The following LRRTM4 variants were observed in gnomAD, a reference collection of about 807,000 sequenced individuals.
The protein encoded by LRRTM4 is leucine rich repeat transmembrane neuronal 4.
LRRTM4 carries 25 observed loss-of-function variants against 47.6 expected under a neutral mutation model. The ratio of observed to expected loss-of-function variants is 0.53; its 90% CI spans 0.38 to 0.73. The LOEUF (loss-of-function observed/expected upper bound fraction) is 0.73, where lower values mean the gene tolerates loss of function less well. Among genes scored for constraint, LRRTM4 ranks in the 30% least tolerant of loss-of-function variants. LRRTM4 has a pLI of 0.00. For synonymous variants in LRRTM4, 311 were observed against 269.5 expected (o/e 1.15, Z -1.51); for missense variants, 638 against 713.4 (o/e 0.89, Z 1.20).
chr2:76,897,312 T>C (rs987845311), intron 3 of LRRTM4, among the ~76,000 whole-genome samples: 1 of 152,114 alleles, frequency 6.6e-6, no homozygotes, highest in Non-Finnish European at 1.5e-5. Flanking sequence ...CATATACACC[T>C]GTGACATCTC....
intron 3 of LRRTM4, among the ~76,000 whole-genome samples, chr2:76,912,045 C>T (rs1306276537): frequency 1.3e-5 from 2 of 151,714 alleles, no homozygotes; most frequent in African/African-American, 2.4e-5. Context: ...TCTCCTGCCC[C>T]GAGTAGCTGC....
chr2:76,840,581 G>A lies in LRRTM4; in HGVS notation c.1552-91665C>T, dbSNP rs1275263031. Among the ~76,000 whole-genome samples, 5 of 152,000 alleles carry A rather than the reference G, an allele frequency of 3.3e-5. No homozygotes were observed. In the South Asian group the frequency reaches 8.3e-4, roughly 25 times the overall value. On this transcript the variant is annotated intron_variant, in intron 3 of 3. Coordinates refer to ENST00000409884, the MANE Select transcript of LRRTM4 (RefSeq NM_001134745.3). ...AGATAGAATCATTAAAGGAACAAAC[G>A]AAGTCAAAAAGACTTAAAAAAAGAA...
At chr2:77,127,855 T>C (rs1426473274) in intron 3 of LRRTM4, among the ~76,000 whole-genome samples, 9 of 152,158 alleles carry the variant, frequency 5.9e-5, no homozygotes, top group Admixed American at 3.9e-4. Context: ...ACAAATGTTT[T>C]TTAAGCCGGC....
chr2:77,149,484 T>C (rs867084653), intron 3 of LRRTM4, among the ~76,000 whole-genome samples: 12 of 152,298 alleles, frequency 7.9e-5, no homozygotes, highest in Middle Eastern at 3.4e-3. Flanking sequence ...CGAGGTTCTC[T>C]TTATGTTAAG....
intron 3 of LRRTM4, among the ~76,000 whole-genome samples, chr2:76,910,226 C>G (rs968297397): frequency 1.3e-5 from 2 of 151,892 alleles, no homozygotes; most frequent in African/African-American, 4.8e-5. Context: ...AATCATCATT[C>G]TCAGCAAACT....
chr2:77,470,566 AG>A (rs1329835990), intron 3 of LRRTM4, among the ~76,000 whole-genome samples: 1 of 152,170 alleles, frequency 6.6e-6, no homozygotes, highest in Admixed American at 6.5e-5. Flanking sequence ...ATGTTACATC[AG>A]GTGCTATGAG....
chr2:77,168,219 G>T (rs1050174248), intron 3 of LRRTM4, among the ~76,000 whole-genome samples: 1 of 151,866 alleles, frequency 6.6e-6, no homozygotes, highest in Non-Finnish European at 1.5e-5. Flanking sequence ...CTTTTTTCTA[G>T]AACTCAAAGT....
chr2:77,074,717 G>A (rs550087256), intron 3 of LRRTM4, among the ~76,000 whole-genome samples: 1 of 152,208 alleles, frequency 6.6e-6, no homozygotes, highest in East Asian at 1.9e-4. Flanking sequence ...CAAAACATTA[G>A]CATGAAAAAA....
At chr2:77,317,481 C>T (rs571535179) in intron 3 of LRRTM4, among the ~76,000 whole-genome samples, 1 of 152,092 alleles carries the variant, frequency 6.6e-6, no homozygotes, top group African/African-American at 2.4e-5. Context: ...AACCTTTATA[C>T]GTTTGTCATA....
At chr2:77,180,470 A>C (rs926102967) in intron 3 of LRRTM4, among the ~76,000 whole-genome samples, 1 of 152,092 alleles carries the variant, frequency 6.6e-6, no homozygotes, top group Non-Finnish European at 1.5e-5. Flanking sequence ...TATTTTTGTG[A>C]CCTGTATAAG....
intron 3 of LRRTM4, among the ~76,000 whole-genome samples, chr2:77,024,078 G>C (rs558958077): frequency 2.0e-5 from 3 of 152,206 alleles, no homozygotes; most frequent in African/African-American, 7.2e-5. Flanking sequence ...AAAGCAAAAA[G>C]GGAGACCCCT....
At chr2:76,947,019 T>C (rs1373178136) in intron 3 of LRRTM4, among the ~76,000 whole-genome samples, 1 of 151,692 alleles carries the variant, frequency 6.6e-6, no homozygotes, top group Admixed American at 6.6e-5. Context: ...ATAGAACCAA[T>C]AAATAAAGAT....
At chr2:76,956,622 AAT>A (rs1310160428) in intron 3 of LRRTM4, among the ~76,000 whole-genome samples, 1 of 151,248 alleles carries the variant, frequency 6.6e-6, no homozygotes, top group African/African-American at 2.4e-5. Flanking sequence ...GATAAGAAAA[AAT>A]AGAGAATAGA....
chr2:77,483,118 C>CAAAAAAAAAAA lies in LRRTM4; in HGVS notation c.1551+35189_1551+35199dup, dbSNP rs776265725. On this transcript the variant is annotated intron_variant, in intron 3 of 3. Transcript: ENST00000409884. Reference sequence around the variant, plus strand: ...CCTAGGAGGCAGAGCAAGACTGTCTCAAAAAAAAAAAAAAAAAAAAAAAAA... The same window carrying CAAAAAAAAAAA: ...CCTAGGAGGCAGAGCAAGACTGTCTCAAAAAAAAAAAAAAAAAAAAAAAAAAAAAAAAAAAA... 5.6e-4 allele frequency among the ~76,000 whole-genome samples: 34 copies of CAAAAAAAAAAA among 60,594 alleles called. 2 individuals carry two copies. The East Asian group carries it at 0.01, about 18-fold the overall frequency. 39.8% of individuals were successfully genotyped at this position (60,594 alleles called of 152,430 possible). A position where few individuals can be genotyped will look rare whatever the true frequency, so the allele number is the denominator to read the frequency against.
intron 3 of LRRTM4, among the ~76,000 whole-genome samples, chr2:76,805,003 C>T (rs1029235051): frequency 4.6e-5 from 7 of 151,930 alleles, no homozygotes; most frequent in Non-Finnish European, 1.0e-4. Flanking sequence ...TGTCATAAAG[C>T]GGGAGATTGA....
intron 3 of LRRTM4, among the ~76,000 whole-genome samples, chr2:77,290,612 C>G (rs1676796877): frequency 2.6e-5 from 4 of 151,852 alleles, no homozygotes; most frequent in Non-Finnish European, 5.9e-5. Flanking sequence ...TCCCAATTAC[C>G]TTAATTTGAG....
At chr2:77,338,758 C>G (rs1235929696) in intron 3 of LRRTM4, among the ~76,000 whole-genome samples, 1 of 151,922 alleles carries the variant, frequency 6.6e-6, no homozygotes, top group African/African-American at 2.4e-5. Context: ...AGTATATACC[C>G]AAATGAAAAT....
intron 3 of LRRTM4, among the ~76,000 whole-genome samples, chr2:76,943,684 T>C (rs1315574734): frequency 1.3e-5 from 2 of 152,190 alleles, no homozygotes; most frequent in Admixed American, 6.5e-5. Context: ...ATATACCCTG[T>C]AGGAGTCTAA....
chr2:77,032,301 AG>A (rs1678687907), intron 3 of LRRTM4, among the ~76,000 whole-genome samples: 1 of 152,080 alleles, frequency 6.6e-6, no homozygotes, highest in South Asian at 2.1e-4. Context: ...TATATCAGAG[AG>A]GTTAGTCTAA....
Sources: gnomAD v4.1 joint callset for allele counts (sites outside exome capture counted in the v4.1 genomes callset) on GRCh38, gnomAD v4.1.1 for gene constraint, MANE v1.5 for transcripts, NCBI Gene and HGNC (gene_info 2026-07-23, HGNC 2026-07-21) for gene names.